SNX29: variants seen among roughly 807,000 people sequenced by gnomAD.
SNX29 encodes the protein sorting nexin-29.
In SNX29, 78 loss-of-function variants were observed where a neutral mutation model predicts 102.1. The observed-to-expected ratio is 0.76, with a 90% confidence interval of 0.64 to 0.92. SNX29 has a LOEUF of 0.92. SNX29 is among the 40% of genes least tolerant of loss of function. The pLI, the probability that SNX29 is intolerant of heterozygous loss-of-function variation, is 0.00. For missense variants in SNX29, 1,280 were observed against 1,061.7 expected (o/e 1.21, Z -2.86); for synonymous variants, 580 against 414.5 (o/e 1.40, Z -4.85).
intron 20 of SNX29, among the ~76,000 whole-genome samples, chr16:12,551,530 C>T (rs1345881100): frequency 6.6e-6 from 1 of 152,126 alleles, no homozygotes; most frequent in African/African-American, 2.4e-5. Flanking sequence ...TTTAAAGTTC[C>T]CCAGGTAATT....
chr16:12,241,416 C>G (rs139807492), intron 14 of SNX29, among the ~76,000 whole-genome samples: 21 of 152,108 alleles, frequency 1.4e-4, no homozygotes, highest in African/African-American at 5.1e-4. Flanking sequence ...GTTATGTGGA[C>G]CTAGTCTGTC....
intron 19 of SNX29, among the ~76,000 whole-genome samples, chr16:12,495,093 A>G (rs893773147): frequency 2.0e-5 from 3 of 152,128 alleles, no homozygotes; most frequent in Non-Finnish European, 4.4e-5. Context: ...TTCCTTTAGG[A>G]TACTCCATCC....
intron 1 of SNX29, among the ~76,000 whole-genome samples, chr16:11,978,078 T>C (rs2055342149): frequency 6.6e-6 from 1 of 152,196 alleles, no homozygotes; most frequent in East Asian, 1.9e-4. Context: ...TTTTGTTGGT[T>C]GGTTGTTTAA....
chr16:12,409,543 C>T (rs2084311051), intron 18 of SNX29, among the ~76,000 whole-genome samples: 1 of 151,506 alleles, frequency 6.6e-6, no homozygotes, highest in Non-Finnish European at 1.5e-5. Context: ...ATTCTCCTGC[C>T]TCAGCCTCCC....
chr16:11,999,343 G>A lies in SNX29; in HGVS notation c.54G>A (p.Leu18=). 1 of 1,614,104 alleles carries A rather than the reference G, an allele frequency of 6.2e-7. No homozygotes were observed. ...DKRQFLLERL[L]DAVKQCQIRF... The stretch of plus-strand genomic sequence containing the variant: ...GACAATTTCTGCTGGAGCGACTGCT[G>A]GATGCAGTGAAACAGGTAAGCAGAA... The change falls in exon 2 of 21, where the codon CTG becomes CTA. Residue 18 remains leucine, a synonymous_variant. Transcript: ENST00000566228.
intron 19 of SNX29, among the ~76,000 whole-genome samples, chr16:12,491,530 T>G (rs912229061): frequency 5.3e-5 from 8 of 151,354 alleles, no homozygotes; most frequent in Non-Finnish European, 7.4e-5. Context: ...ATGTGACTTA[T>G]TTTTTTTTAT....
At chr16:12,191,191 A>T (rs2076633476) in intron 13 of SNX29, among the ~76,000 whole-genome samples, 1 of 152,142 alleles carries the variant, frequency 6.6e-6, no homozygotes, top group Non-Finnish European at 1.5e-5. Flanking sequence ...ATGAGAATCT[A>T]AGGCTGCTGC....
chr16:12,268,060 C>A (rs945887022), intron 14 of SNX29, among the ~76,000 whole-genome samples: 15 of 152,182 alleles, frequency 9.9e-5, no homozygotes, highest in Non-Finnish European at 2.1e-4. Flanking sequence ...GTGCGGAGCT[C>A]ACTCCCCTGC....
intron 15 of SNX29, among the ~76,000 whole-genome samples, chr16:12,292,394 G>A (rs1032550923): frequency 6.6e-5 from 10 of 152,116 alleles, no homozygotes; most frequent in African/African-American, 9.7e-5. Flanking sequence ...CCTTTTCCTC[G>A]TTTTTTCTGT....
chr16:12,041,131 A>C (rs370384859), intron 4 of SNX29, among the ~76,000 whole-genome samples: 139 of 150,924 alleles, frequency 9.2e-4, no homozygotes, highest in African/African-American at 3.3e-3. Flanking sequence ...GTTTTTTTTG[A>C]GATAGAGTTT....
intron 18 of SNX29, among the ~76,000 whole-genome samples, chr16:12,426,910 C>T (rs1265067081): frequency 6.6e-6 from 1 of 152,174 alleles, no homozygotes; most frequent in East Asian, 1.9e-4. Context: ...AAGTGATCCA[C>T]CTGCCTCGGC....
chr16:12,538,183 T>G (rs900548325), intron 20 of SNX29, among the ~76,000 whole-genome samples: 1 of 152,166 alleles, frequency 6.6e-6, no homozygotes, highest in Non-Finnish European at 1.5e-5. Flanking sequence ...TGGTGTGATC[T>G]AGGCTCACCG....
At chr16:12,562,857 C>T (rs979499200) in intron 20 of SNX29, among the ~76,000 whole-genome samples, 4 of 152,154 alleles carry the variant, frequency 2.6e-5, no homozygotes, top group Non-Finnish European at 5.9e-5. Flanking sequence ...CCCGACAGCT[C>T]CCGGTCTGTG....
At chr16:12,319,384 C>T (rs1365220477) in intron 15 of SNX29, among the ~76,000 whole-genome samples, 1 of 152,112 alleles carries the variant, frequency 6.6e-6, no homozygotes, top group Non-Finnish European at 1.5e-5. Flanking sequence ...GTTCCAGCTA[C>T]TGGGGAGGCT....
At chr16:12,219,790 C>T (rs1000888225) in intron 14 of SNX29, among the ~76,000 whole-genome samples, 2 of 152,210 alleles carry the variant, frequency 1.3e-5, no homozygotes, top group Non-Finnish European at 2.9e-5. Context: ...GATTTAGGGG[C>T]TTTGCTACCA....
At chr16:12,554,501 T>C (rs916485680) in intron 20 of SNX29, among the ~76,000 whole-genome samples, 2 of 152,222 alleles carry the variant, frequency 1.3e-5, no homozygotes, top group Non-Finnish European at 2.9e-5. Flanking sequence ...CCAAGCTTCC[T>C]CCGCAGCAGG....
intron 19 of SNX29, among the ~76,000 whole-genome samples, chr16:12,499,041 G>A (rs187190738): frequency 4.6e-4 from 70 of 152,270 alleles, no homozygotes; most frequent in African/African-American, 1.7e-3. Flanking sequence ...GGCAGACCTG[G>A]CATTCTGCTT....
chr16:12,201,577 C>G (rs1191439487), intron 14 of SNX29, among the ~76,000 whole-genome samples: 1 of 152,202 alleles, frequency 6.6e-6, no homozygotes, highest in Non-Finnish European at 1.5e-5. Context: ...TTATAAAATG[C>G]TTTTAACTTT....
At chr16:12,084,032 T>C (rs949172951) in intron 11 of SNX29, among the ~76,000 whole-genome samples, 2 of 152,228 alleles carry the variant, frequency 1.3e-5, no homozygotes, top group African/African-American at 4.8e-5. Context: ...GACTGTATTC[T>C]TGTGGTTATT....
Sources: gnomAD v4.1 joint callset for allele counts (sites outside exome capture counted in the v4.1 genomes callset) on GRCh38, gnomAD v4.1.1 for gene constraint, MANE v1.5 for transcripts, NCBI Gene and HGNC (gene_info 2026-07-23, HGNC 2026-07-21) for gene names.